Variants in OR10A5 observed in about 807,000 individuals in gnomAD.
The protein encoded by OR10A5 is olfactory receptor 10A5.
OR10A5 carries 7 observed loss-of-function variants against 6.0 expected under a neutral mutation model. That is an observed-to-expected ratio of 1.17 (90% CI 0.66 to 2.20). The LOEUF is 2.20. Among genes scored for constraint, OR10A5 ranks in the 30% most tolerant of loss-of-function variants. The probability of loss-of-function intolerance (pLI) is 0.00; values close to 1 mark genes in which losing one functional copy is unlikely to be tolerated. For missense variants in OR10A5, 369 were observed against 378.1 expected (o/e 0.98, Z 0.20); for synonymous variants, 149 against 148.8 (o/e 1.00, Z -0.01).
rs759785401 is a variant in OR10A5 at position 6,845,788 on chromosome 11, T to C, written c.106T>C (p.Tyr36His). Residue 36 changes from tyrosine to histidine, a missense_variant, in exon 1 of 1, where the codon TAT becomes CAT. By Grantham distance (83) the Tyr-to-His change is moderately conservative. Coordinates refer to ENST00000299454, the MANE Select transcript of OR10A5 (RefSeq NM_178168.1). ...SLLFLTFLTI[Y>H]LVTLKGNSLI... The stretch of plus-strand genomic sequence containing the variant: ...GCTCTTCCTGACATTTCTAACTATC[T>C]ATTTGGTTACTCTGAAGGGAAACAG... The C allele has an allele frequency of 1.5e-5, 24 of 1,613,798 alleles. No individual in the cohort carries two copies. In the South Asian group the frequency reaches 2.6e-4, roughly 18 times the overall value.
In OR10A5 at chr11:6,846,025, C is replaced by T. The variant is rs2133058211; in HGVS notation, c.343C>T (p.Leu115Phe). The T allele has an allele frequency of 6.2e-7, 1 of 1,614,190 alleles. No individual in the cohort carries two copies. Among genetic ancestry groups the T allele is most frequent in the East Asian group, 2.2e-5 (1 of 44,888 alleles). ...FFFFGVAECFLLATMAYDRYV... is the reference protein window; with the variant it reads ...FFFFGVAECFFLATMAYDRYV... ...CTTCTTTGGGGTAGCTGAATGCTTC[C>T]TCCTGGCTACCATGGCATATGACCG... Residue 115 changes from leucine (L) to phenylalanine (F), a missense_variant, in exon 1 of 1, where the codon CTC becomes TTC. Transcript: ENST00000299454.
chr11:6,845,769 C>T lies in OR10A5; in HGVS notation c.87C>T (p.Phe29=), dbSNP rs191147938. The T allele has an allele frequency of 5.6e-6, 9 of 1,613,360 alleles. No homozygotes were observed. Among genetic ancestry groups the T allele is most frequent in the African/African-American group, 5.3e-5 (4 of 75,026 alleles). The change falls in exon 1 of 1, where the codon TTC becomes TTT. Residue 29 remains phenylalanine, a synonymous_variant. Coordinates refer to ENST00000299454, the MANE Select transcript of OR10A5 (RefSeq NM_178168.1). Reference sequence around the variant, plus strand: ...CTACTGAAATACAGTCATTGCTCTTCCTGACATTTCTAACTATCTATTTGG... The same window carrying T: ...CTACTGAAATACAGTCATTGCTCTTTCTGACATTTCTAACTATCTATTTGG... ...SLPTEIQSLL[F]LTFLTIYLVT... is the part of the protein sequence containing the mutation.
rs1247279087 is a variant in OR10A5 at position 6,846,228 on chromosome 11, C to T, written c.546C>T (p.Ser182=). 9.9e-6 allele frequency: 16 copies of T among 1,614,222 alleles called. No homozygotes were observed. Among genetic ancestry groups the T allele is most frequent in the Non-Finnish European group, 1.2e-5 (14 of 1,180,042 alleles). ...TNKVNHFFCD[S]PPVLKLVCAD... ...AGGTGAACCACTTCTTCTGTGACAG[C>T]CCGCCTGTGCTGAAGCTGGTCTGTG... The change falls in exon 1 of 1, where the codon AGC becomes AGT. Residue 182 remains serine (S), a synonymous_variant. Transcript: ENST00000299454.
In OR10A5 at chr11:6,846,605, A is replaced by C; in HGVS notation, c.923A>C (p.Lys308Thr). 6.2e-7 allele frequency: 1 copy of C among 1,609,800 alleles called. No homozygotes were observed. Among genetic ancestry groups the C allele is most frequent in the South Asian group, 1.1e-5 (1 of 90,470 alleles). ...VKNALSRTFH[K>T]VLALRNCIP ...AATGCCCTCAGCAGGACCTTCCACA[A>C]GGTCCTAGCCCTCAGAAACTGTATC... is the stretch of plus-strand genomic sequence containing the variant. The change falls in exon 1 of 1, where the codon AAG (lysine) becomes ACG (threonine). Residue 308 changes from lysine (K) to threonine (T), a missense_variant. Transcript: ENST00000299454.
At position 6,846,417 on chromosome 11, in the gene OR10A5, C is replaced by G. The variant is rs910598213; in HGVS notation, c.735C>G (p.His245Gln). Reference sequence around the variant, plus strand: ...AAGCCTTCTCTACGTGCTCCTCACACCTCCTTGTTGTCTCTCTTTTCTATA... The same window carrying G: ...AAGCCTTCTCTACGTGCTCCTCACAGCTCCTTGTTGTCTCTCTTTTCTATA... ...KHKAFSTCSSHLLVVSLFYIS... is the reference protein window; with the variant it reads ...KHKAFSTCSSQLLVVSLFYIS... Residue 245 changes from histidine (H) to glutamine (Q), a missense_variant, in exon 1 of 1, where the codon CAC (histidine) becomes CAG (glutamine). By Grantham distance (24) the His-to-Gln change is conservative (BLOSUM62 0). Coordinates refer to ENST00000299454, the MANE Select transcript of OR10A5 (RefSeq NM_178168.1). 6.2e-7 allele frequency: 1 copy of G among 1,613,970 alleles called. No individual in the cohort carries two copies. The highest frequency in any genetic ancestry group is 8.5e-7 in the Non-Finnish European group (1 of 1,180,024).
At position 6,846,285 on chromosome 11, in the gene OR10A5, C is replaced by T. The variant is rs151135812; in HGVS notation, c.603C>T (p.Ile201=). The change falls in exon 1 of 1, where the codon ATC becomes ATT. Residue 201 remains isoleucine (I), a synonymous_variant. Coordinates refer to ENST00000299454, the MANE Select transcript of OR10A5 (RefSeq NM_178168.1). ...ADTALFEIYA[I]VGTILVVMIP... is the part of the protein sequence containing the mutation. Reference sequence around the variant, plus strand: ...CAGCACTGTTTGAGATCTACGCCATCGTCGGAACCATTCTGGTGGTCATGA... The same window carrying T: ...CAGCACTGTTTGAGATCTACGCCATTGTCGGAACCATTCTGGTGGTCATGA... 9.3e-6 allele frequency: 15 copies of T among 1,614,074 alleles called. No homozygotes were observed. Among genetic ancestry groups the T allele is most frequent in the Admixed American group, 8.3e-5 (5 of 60,002 alleles).
Position 6,845,942 on chromosome 11 carries a change from T to A in OR10A5, c.260T>A (p.Leu87His). The change falls in exon 1 of 1, where the codon CTT becomes CAT. Residue 87 changes from leucine to histidine, a missense_variant. By Grantham distance (99) the Leu-to-His change is moderately conservative. Transcript: ENST00000299454. ...VIVPKMLGTL[L>H]AQDTTISFLG... ...GTGCCCAAAATGCTGGGGACCCTGC[T>A]TGCCCAGGACACAACCATCTCCTTC... The A allele has an allele frequency of 1.2e-6, 2 of 1,614,176 alleles. No homozygotes were observed. The highest frequency in any genetic ancestry group is 8.5e-7 in the Non-Finnish European group (1 of 1,180,000).
In OR10A5 at chr11:6,845,958, C is replaced by A. The variant is rs1019576452; in HGVS notation, c.276C>A (p.Thr92=). The change falls in exon 1 of 1, where the codon ACC becomes ACA. Residue 92 remains threonine (T), a synonymous_variant. Coordinates refer to ENST00000299454, the MANE Select transcript of OR10A5 (RefSeq NM_178168.1). ...GGACCCTGCTTGCCCAGGACACAAC[C>A]ATCTCCTTCCTTGGCTGTGCCACTC... ...MLGTLLAQDT[T]ISFLGCATQM... 6.2e-7 allele frequency: 1 copy of A among 1,614,170 alleles called. No homozygotes were observed. Among genetic ancestry groups the A allele is most frequent in the Middle Eastern group, 1.6e-4 (1 of 6,062 alleles).
chr11:6,846,075 G>C lies in OR10A5; in HGVS notation c.393G>C (p.Leu131Phe), dbSNP rs1848207959. The C allele has an allele frequency of 6.2e-7, 1 of 1,614,196 alleles. No homozygotes were observed. Among genetic ancestry groups the C allele is most frequent in the East Asian group, 2.2e-5 (1 of 44,880 alleles). ...YDRYVAICSP[L>F]HYPVIMNQRT... is the part of the protein sequence containing the mutation. The stretch of plus-strand genomic sequence containing the variant: ...GCTATGTGGCCATCTGCAGTCCCTT[G>C]CACTACCCAGTCATCATGAACCAAA... Residue 131 changes from leucine to phenylalanine, a missense_variant, in exon 1 of 1, where the codon TTG (leucine) becomes TTC (phenylalanine). By Grantham distance (22) the Leu-to-Phe change is conservative. Transcript: ENST00000299454.
chr11:6,845,839 G>A lies in OR10A5; in HGVS notation c.157G>A (p.Asp53Asn). Residue 53 changes from aspartate to asparagine, a missense_variant, in exon 1 of 1, where the codon GAC becomes AAC. Transcript: ENST00000299454. Reference sequence around the variant, plus strand: ...CCTCATCATTCTGGTTACCCTAGCTGACCCCATGCTACACAGCCCCATGTA... The same window carrying A: ...CCTCATCATTCTGGTTACCCTAGCTAACCCCATGCTACACAGCCCCATGTA... ...NSLIILVTLA[D>N]PMLHSPMYFF... 3 of 1,614,088 alleles carry A rather than the reference G, an allele frequency of 1.9e-6. No individual in the cohort carries two copies. The highest frequency in any genetic ancestry group is 2.5e-6 in the Non-Finnish European group (3 of 1,180,002).
rs952465498 is a variant in OR10A5 at position 6,846,012 on chromosome 11, A to G, written c.330A>G (p.Val110=). The G allele has an allele frequency of 3.4e-5, 55 of 1,614,030 alleles. No homozygotes were observed. Among genetic ancestry groups the G allele is most frequent in the Middle Eastern group, 1.6e-4 (1 of 6,062 alleles). ...TQMYFFFFFG[V]AECFLLATMA... ...TGTATTTCTTCTTCTTCTTTGGGGT[A>G]GCTGAATGCTTCCTCCTGGCTACCA... Residue 110 remains valine, a synonymous_variant, in exon 1 of 1, where the codon GTA becomes GTG. Transcript: ENST00000299454.
At position 6,846,257 on chromosome 11, in the gene OR10A5, A is replaced by T. The variant is rs1848211056; in HGVS notation, c.575A>T (p.Asp192Val). 2 of 1,614,210 alleles carry T rather than the reference A, an allele frequency of 1.2e-6. No homozygotes were observed. The highest frequency in any genetic ancestry group is 1.7e-6 in the Non-Finnish European group (2 of 1,180,024). The stretch of plus-strand genomic sequence containing the variant: ...CCTGTGCTGAAGCTGGTCTGTGCAG[A>T]CACAGCACTGTTTGAGATCTACGCC... ...SPPVLKLVCA[D>V]TALFEIYAIV... The change falls in exon 1 of 1, where the codon GAC becomes GTC. Residue 192 changes from aspartate (D) to valine (V), a missense_variant. Transcript: ENST00000299454.
Position 6,846,008 on chromosome 11 carries a change from G to A in OR10A5, c.326G>A (p.Gly109Glu). ...ATQMYFFFFF[G>E]VAECFLLATM... ...CAGATGTATTTCTTCTTCTTCTTTG[G>A]GGTAGCTGAATGCTTCCTCCTGGCT... Residue 109 changes from glycine to glutamate, a missense_variant, in exon 1 of 1, where the codon GGG becomes GAG. By Grantham distance (98) the Gly-to-Glu change is moderately conservative. Transcript: ENST00000299454. 1 of 1,614,046 alleles carries A rather than the reference G, an allele frequency of 6.2e-7. No individual in the cohort carries two copies. The highest frequency in any genetic ancestry group is 8.5e-7 in the Non-Finnish European group (1 of 1,180,006).
At position 6,846,588 on chromosome 11, in the gene OR10A5, C is replaced by T. The variant is rs767481817; in HGVS notation, c.906C>T (p.Leu302=). The change falls in exon 1 of 1, where the codon CTC becomes CTT. Residue 302 remains leucine, a synonymous_variant. Coordinates refer to ENST00000299454, the MANE Select transcript of OR10A5 (RefSeq NM_178168.1). ...GAAATAGCGAGGTGAAGAATGCCCT[C>T]AGCAGGACCTTCCACAAGGTCCTAG... ...SLRNSEVKNA[L]SRTFHKVLAL... is the part of the protein sequence containing the mutation. The T allele has an allele frequency of 1.2e-6, 2 of 1,612,838 alleles. No homozygotes were observed. The highest frequency in any genetic ancestry group is 1.1e-5 in the South Asian group (1 of 90,884).
rs1425850790 is a variant in OR10A5, at chr11:6,846,005, T to C, written c.323T>C (p.Phe108Ser). 1 of 1,614,190 alleles carries C rather than the reference T, an allele frequency of 6.2e-7. No individual in the cohort carries two copies. The highest frequency in any genetic ancestry group is 2.2e-5 in the East Asian group (1 of 44,886). The change falls in exon 1 of 1, where the codon TTT (phenylalanine) becomes TCT (serine). Residue 108 changes from phenylalanine to serine, a missense_variant. Coordinates refer to ENST00000299454, the MANE Select transcript of OR10A5 (RefSeq NM_178168.1). ...ACTCAGATGTATTTCTTCTTCTTCT[T>C]TGGGGTAGCTGAATGCTTCCTCCTG... is the stretch of plus-strand genomic sequence containing the variant. ...CATQMYFFFF[F>S]GVAECFLLAT...
Position 6,846,511 on chromosome 11 carries a change from T to C in OR10A5, c.829T>C (p.Leu277=). The change falls in exon 1 of 1, where the codon TTA becomes CTA. Residue 277 remains leucine, a synonymous_variant. Coordinates refer to ENST00000299454, the MANE Select transcript of OR10A5 (RefSeq NM_178168.1). ...NSPESKKLLS[L]SYTVVTPMLN... ...TCCTGAGAGCAAGAAGTTGTTATCA[T>C]TATCCTACACTGTTGTGACTCCCAT... 2 of 1,613,912 alleles carry C rather than the reference T, an allele frequency of 1.2e-6. No homozygotes were observed. The highest frequency in any genetic ancestry group is 2.2e-5 in the East Asian group (1 of 44,890).
At position 6,845,927 on chromosome 11, in the gene OR10A5, T is replaced by G; in HGVS notation, c.245T>G (p.Met82Arg). Residue 82 changes from methionine to arginine, a missense_variant, in exon 1 of 1, where the codon ATG becomes AGG. By Grantham distance (91) the Met-to-Arg change is moderately conservative (BLOSUM62 -1). Transcript: ENST00000299454. ...IGFNLVIVPK[M>R]LGTLLAQDTT... Reference sequence around the variant, plus strand: ...TTCAACCTAGTCATTGTGCCCAAAATGCTGGGGACCCTGCTTGCCCAGGAC... The same window carrying G: ...TTCAACCTAGTCATTGTGCCCAAAAGGCTGGGGACCCTGCTTGCCCAGGAC... The G allele has an allele frequency of 6.2e-7, 1 of 1,614,176 alleles. No individual in the cohort carries two copies. Among genetic ancestry groups the G allele is most frequent in the Non-Finnish European group, 8.5e-7 (1 of 1,180,008 alleles).
Position 6,846,014 on chromosome 11 carries a change from C to T in OR10A5, c.332C>T (p.Ala111Val). 6.2e-7 allele frequency: 1 copy of T among 1,614,198 alleles called. No individual in the cohort carries two copies. The highest frequency in any genetic ancestry group is 8.5e-7 in the Non-Finnish European group (1 of 1,180,040). The change falls in exon 1 of 1, where the codon GCT becomes GTT. Residue 111 changes from alanine (A) to valine (V), a missense_variant. Transcript: ENST00000299454. ...QMYFFFFFGV[A>V]ECFLLATMAY... ...TATTTCTTCTTCTTCTTTGGGGTAG[C>T]TGAATGCTTCCTCCTGGCTACCATG... is the stretch of plus-strand genomic sequence containing the variant.
At position 6,846,563 on chromosome 11, in the gene OR10A5, G is replaced by A; in HGVS notation, c.881G>A (p.Arg294Lys). The A allele has an allele frequency of 6.2e-7, 1 of 1,614,040 alleles. No homozygotes were observed. Among genetic ancestry groups the A allele is most frequent in the Non-Finnish European group, 8.5e-7 (1 of 1,179,934 alleles). The change falls in exon 1 of 1, where the codon AGA becomes AAA. Residue 294 changes from arginine (R) to lysine (K), a missense_variant. Physicochemically the swap from Arg to Lys is conservative, Grantham distance 26 (BLOSUM62 2). Coordinates refer to ENST00000299454, the MANE Select transcript of OR10A5 (RefSeq NM_178168.1). ...PMLNPIIYSL[R>K]NSEVKNALSR... is the part of the protein sequence containing the mutation. Reference sequence around the variant, plus strand: ...TTGAACCCCATTATCTACAGCTTGAGAAATAGCGAGGTGAAGAATGCCCTC... The same window carrying A: ...TTGAACCCCATTATCTACAGCTTGAAAAATAGCGAGGTGAAGAATGCCCTC...
Sources: allele counts gnomAD v4.1 joint callset, GRCh38; gene constraint gnomAD v4.1.1; transcripts MANE v1.5; gene names NCBI Gene and HGNC (gene_info 2026-07-23, HGNC 2026-07-21).